ASTN2: variants seen among roughly 807,000 people sequenced by gnomAD.
The protein encoded by ASTN2 is astrotactin-2.
A neutral mutation model predicts 139.8 loss-of-function variants in ASTN2; 54 were observed. That is an observed-to-expected ratio of 0.39 (90% CI 0.31 to 0.48). The LOEUF (loss-of-function observed/expected upper bound fraction) is 0.48. ASTN2 is among the 20% of genes least tolerant of loss of function. ASTN2 has a pLI of 0.95. For missense variants in ASTN2, 1,565 were observed against 1,725.1 expected, an observed-to-expected ratio of 0.91 and a Z score of 1.64; for synonymous variants, 756 against 719.5, an observed-to-expected ratio of 1.05 and a Z score of -0.81.
At chr9:117,239,438 G>T (rs1018236668) in intron 2 of ASTN2, among the ~76,000 whole-genome samples, 1 of 152,230 alleles carries the variant, frequency 6.6e-6, no homozygotes, top group Non-Finnish European at 1.5e-5. Context: ...GCCCAGAGAA[G>T]CAGGCAGATG....
chr9:116,614,178 C>T (rs1247629938), intron 19 of ASTN2, among the ~76,000 whole-genome samples: 1 of 152,086 alleles, frequency 6.6e-6, no homozygotes, highest in Non-Finnish European at 1.5e-5. Flanking sequence ...ATGTGAAGGA[C>T]CTCTTCACGA....
chr9:117,128,247 G>T (rs1336572559), intron 4 of ASTN2, among the ~76,000 whole-genome samples: 1 of 151,802 alleles, frequency 6.6e-6, no homozygotes, highest in Non-Finnish European at 1.5e-5. Flanking sequence ...GCTGGTGTGT[G>T]CCTGTAGTCC....
intron 2 of ASTN2, among the ~76,000 whole-genome samples, chr9:117,288,081 G>A (rs1318299429): frequency 6.6e-6 from 1 of 152,118 alleles, no homozygotes; most frequent in Non-Finnish European, 1.5e-5. Context: ...TTTTTTCTCT[G>A]CATCCTGCCA....
intron 1 of ASTN2, among the ~76,000 whole-genome samples, chr9:117,411,595 T>A (rs1831163124): frequency 1.3e-5 from 2 of 152,190 alleles, no homozygotes; most frequent in South Asian, 4.1e-4. Context: ...CAAAATTACC[T>A]TGAGGTCCCC....
chr9:117,264,970 A>G (rs1409679626), intron 2 of ASTN2, among the ~76,000 whole-genome samples: 3 of 152,206 alleles, frequency 2.0e-5, no homozygotes, highest in African/African-American at 7.2e-5. Context: ...ATAAGTAAGA[A>G]ATGTAGGCTC....
intron 2 of ASTN2, among the ~76,000 whole-genome samples, chr9:117,256,315 G>T (rs1420194832): frequency 6.6e-6 from 1 of 152,170 alleles, no homozygotes; most frequent in African/African-American, 2.4e-5. Flanking sequence ...GAATCCTGGG[G>T]CATCTGCAGC....
intron 11 of ASTN2, among the ~76,000 whole-genome samples, chr9:116,835,624 C>A (rs1831960993): frequency 6.6e-6 from 1 of 152,040 alleles, no homozygotes; most frequent in South Asian, 2.1e-4. Flanking sequence ...CCCGCTGCCC[C>A]CAAAAGCATT....
chr9:117,234,185 C>A (rs574237279), intron 2 of ASTN2, among the ~76,000 whole-genome samples: 1 of 152,314 alleles, frequency 6.6e-6, no homozygotes, highest in East Asian at 1.9e-4. Flanking sequence ...TCTCCTCCCA[C>A]AGACCAGCAA....
chr9:116,686,898 C>A, intron 16 of ASTN2: 1 of 1,521,248 alleles, frequency 6.6e-7, no homozygotes, highest in Non-Finnish European at 8.8e-7. Flanking sequence ...TCTCGACTTC[C>A]CCAGAATGGA....
intron 2 of ASTN2, among the ~76,000 whole-genome samples, chr9:117,257,923 T>C (rs1455455314): frequency 6.6e-6 from 1 of 152,222 alleles, no homozygotes; most frequent in Non-Finnish European, 1.5e-5. Context: ...GGGATACTGT[T>C]GGACTACATC....
chr9:117,410,380 A>G (rs975966314), intron 1 of ASTN2, among the ~76,000 whole-genome samples: 3 of 152,104 alleles, frequency 2.0e-5, no homozygotes, highest in Admixed American at 6.5e-5. Flanking sequence ...TTTCTTTTCT[A>G]TCAGTCCTTC....
intron 19 of ASTN2, among the ~76,000 whole-genome samples, chr9:116,523,006 A>G (rs1278653849): frequency 6.6e-6 from 1 of 152,170 alleles, no homozygotes; most frequent in Non-Finnish European, 1.5e-5. Flanking sequence ...ATGCCCTACG[A>G]ACCCACCAAG....
chr9:117,139,304 C>T (rs1830020137), intron 4 of ASTN2, among the ~76,000 whole-genome samples: 1 of 152,178 alleles, frequency 6.6e-6, no homozygotes, highest in South Asian at 2.1e-4. Flanking sequence ...TCACAATAAT[C>T]TTCTGATGTA....
chr9:117,043,784 T>C (rs1838649144), intron 5 of ASTN2, among the ~76,000 whole-genome samples: 5 of 151,960 alleles, frequency 3.3e-5, no homozygotes. Context: ...GGCAGGTGCC[T>C]GTAGTCCCAG....
intron 10 of ASTN2, among the ~76,000 whole-genome samples, chr9:116,959,961 G>A (rs1408118274): frequency 1.3e-5 from 2 of 152,126 alleles, no homozygotes; most frequent in Non-Finnish European, 1.5e-5. Flanking sequence ...TGCCGGCTGC[G>A]CTCCCGTTGC....
rs1847243455 is a variant in ASTN2, at chr9:116,423,892, T to G, written c.*1959A>C. Among the ~76,000 whole-genome samples the G allele has an allele frequency of 1.3e-5, 2 of 152,168 alleles. No homozygotes were observed. Among genetic ancestry groups the G allele is most frequent in the African/African-American group, 4.8e-5 (2 of 41,440 alleles). On this transcript the variant is annotated 3_prime_UTR_variant, in exon 23 of 23. Transcript: ENST00000313400. The stretch of plus-strand genomic sequence containing the variant: ...TTGCCAAATTGAGAAGTAGGCATGG[T>G]TTTTTTCTTTTTTACTCACCACTAC...
intron 20 of ASTN2, among the ~76,000 whole-genome samples, chr9:116,452,437 C>T (rs889416377): frequency 6.6e-6 from 1 of 152,182 alleles, no homozygotes. Flanking sequence ...CCTCAGTGGC[C>T]TGTCAATAAC....
chr9:116,723,935 C>G (rs1039591671), intron 16 of ASTN2, among the ~76,000 whole-genome samples: 1 of 144,560 alleles, frequency 6.9e-6, no homozygotes, highest in Non-Finnish European at 1.5e-5. Flanking sequence ...GAGGGGGACC[C>G]CTCCAGCTGT....
At chr9:116,474,779 A>G (rs1848924597) in intron 20 of ASTN2, among the ~76,000 whole-genome samples, 1 of 152,238 alleles carries the variant, frequency 6.6e-6, no homozygotes, top group Admixed American at 6.5e-5. Flanking sequence ...GAGGATCAGA[A>G]AAATGAAGTT....
Sources: allele counts gnomAD v4.1 joint callset (sites outside exome capture counted in the v4.1 genomes callset), GRCh38; gene constraint gnomAD v4.1.1; transcripts MANE v1.5; gene names NCBI Gene and HGNC (gene_info 2026-07-23, HGNC 2026-07-21).